MMP1: variants seen among roughly 807,000 people sequenced by gnomAD.
MMP1 encodes matrix metallopeptidase 1, also known as interstitial collagenase.
MMP1 carries 51 observed loss-of-function variants against 49.6 expected under a neutral mutation model. The ratio of observed to expected loss-of-function variants is 1.03; its 90% CI spans 0.82 to 1.30. The LOEUF (loss-of-function observed/expected upper bound fraction) is 1.30. MMP1 is among the 50% of genes most tolerant of loss of function. MMP1 has a pLI of 0.00. For missense variants in MMP1, 623 were observed against 568.7 expected, an observed-to-expected ratio of 1.10 and a Z score of -0.97; for synonymous variants, 230 against 196.8, an observed-to-expected ratio of 1.17 and a Z score of -1.41.
intron 4 of MMP1, 123 bp downstream of exon 4, chr11:102,796,541 T>A: frequency 8.5e-7 from 1 of 1,178,738 alleles, no homozygotes; most frequent in Non-Finnish European, 1.1e-6. Flanking sequence ...TATCACTAAT[T>A]TTCTGAGTGG....
Position 102,797,383 on chromosome 11 carries a change from C to T in MMP1, c.223G>A (p.Val75Met). ...KQMQEFFGLK[V>M]TGKPDAETLK... The stretch of plus-strand genomic sequence containing the variant: ...GTTTCAGCATCTGGTTTCCCAGTCA[C>T]TTTCAGCCCAAAGAATTCCTGCATT... Residue 75 changes from valine (V) to methionine (M), a missense_variant, in exon 2 of 10, where the codon GTG becomes ATG. Transcript: ENST00000315274. The T allele has an allele frequency of 1.9e-6, 3 of 1,614,208 alleles. No individual in the cohort carries two copies. The highest frequency in any genetic ancestry group is 2.5e-6 in the Non-Finnish European group (3 of 1,180,040).
Position 102,797,090 on chromosome 11 carries a change from C to G in MMP1, c.423G>C (p.Trp141Cys). 1 of 1,614,122 alleles carries G rather than the reference C, an allele frequency of 6.2e-7. No homozygotes were observed. Among genetic ancestry groups the G allele is most frequent in the Non-Finnish European group, 8.5e-7 (1 of 1,180,016 alleles). The change falls in exon 3 of 10, where the codon TGG becomes TGC. Residue 141 changes from tryptophan (W) to cysteine (C), a missense_variant. Coordinates refer to ENST00000315274, the MANE Select transcript of MMP1 (RefSeq NM_002421.4). ...DHAIEKAFQL[W>C]SNVTPLTFTK... Reference sequence around the variant, plus strand: ...TGAATGTCAGAGGTGTGACATTACTCCAGAGTTGGAAGGCTTTCTCAATGG... The same window carrying G: ...TGAATGTCAGAGGTGTGACATTACTGCAGAGTTGGAAGGCTTTCTCAATGG...
rs139520205 is a variant in MMP1 at position 102,796,755 on chromosome 11, T to C, written c.534A>G (p.Gly178=). The change falls in exon 4 of 10, where the codon GGA becomes GGG. Residue 178 remains glycine, a synonymous_variant. Coordinates refer to ENST00000315274, the MANE Select transcript of MMP1 (RefSeq NM_002421.4). The stretch of plus-strand genomic sequence containing the variant: ...GTTGAAAAGCATGAGCAAGATTTCC[T>C]CCAGGTCCATCAAAAGGAGAGTTGT... ...HRDNSPFDGP[G]GNLAHAFQPG... 1.6e-4 allele frequency: 254 copies of C among 1,613,730 alleles called. No homozygotes were observed. The highest frequency in any genetic ancestry group is 2.0e-4 in the Non-Finnish European group (241 of 1,179,940).
chr11:102,792,522 G>A (rs571818932), intron 7 of MMP1, 83 bp downstream of exon 7: 1 of 1,350,276 alleles, frequency 7.4e-7, no homozygotes. Flanking sequence ...TGGAGAGAAT[G>A]TAGCTAGTAA....
chr11:102,797,289 T>A lies in MMP1; in HGVS notation c.317A>T (p.Asn106Ile). The change falls in exon 2 of 10, where the codon AAC (asparagine) becomes ATC (isoleucine). Residue 106 changes from asparagine (N) to isoleucine (I), a missense_variant. Asn to Ile is a moderately radical substitution (Grantham distance 149). Coordinates refer to ENST00000315274, the MANE Select transcript of MMP1 (RefSeq NM_002421.4). ...DVAQFVLTEG[N>I]PRWEQTHLTY... ...CAGATGTGTTTGCTCCCAGCGAGGG[T>A]TCCCCTCAGTGAGGACAAACTGAGC... 6.2e-7 allele frequency: 1 copy of A among 1,614,166 alleles called. No individual in the cohort carries two copies.
rs752475174 is a variant in MMP1 at position 102,796,983 on chromosome 11, G to A, written c.499+31C>T. 7.5e-6 allele frequency: 12 copies of A among 1,590,070 alleles called. No homozygotes were observed. In the East Asian group the frequency reaches 1.8e-4, roughly 24 times the overall value. On this transcript the variant is annotated intron_variant, in intron 3 of 9. Coordinates refer to ENST00000315274, the MANE Select transcript of MMP1 (RefSeq NM_002421.4). ...CAAAGCTACGAGATCTAGGGGCAAG[G>A]TGAGGTTAAGGTGCTATAAGAAGAA...
In MMP1 at chr11:102,790,522, C is replaced by A; in HGVS notation, c.1301-1G>T. The A allele has an allele frequency of 6.4e-7, 1 of 1,567,674 alleles. No individual in the cohort carries two copies. ...GTTCCATGAAAGAAATAGAAAAATC[C>A]TAGAAACAAAACAAAAGAGACTTAC... On this transcript the variant is annotated splice_acceptor_variant, in intron 9 of 9. Coordinates refer to ENST00000315274, the MANE Select transcript of MMP1 (RefSeq NM_002421.4). LOFTEE classifies it high-confidence loss of function.
chr11:102,796,478 T>C (rs1384404512), intron 4 of MMP1, among the ~76,000 whole-genome samples, 186 bp downstream of exon 4: 1 of 152,256 alleles, frequency 6.6e-6, no homozygotes, highest in Non-Finnish European at 1.5e-5. Flanking sequence ...TAGTTGTCAC[T>C]GCTAAGATGT....
chr11:102,791,181 T>C lies in MMP1; in HGVS notation c.1196+152A>G. 4.0e-6 allele frequency: 3 copies of C among 746,780 alleles called. No individual in the cohort carries two copies. The East Asian group carries it at 7.7e-5, about 19-fold the overall frequency. The allele number at this position is 746,780 out of a possible 1,614,324, so 46.3% of individuals were successfully genotyped here. A position where few individuals can be genotyped will look rare whatever the true frequency, so the allele number is the denominator to read the frequency against. On this transcript the variant is annotated intron_variant, in intron 8 of 9. Transcript: ENST00000315274. ...GCAGGCATTGTGTGATGATTATTGGTCAATAGACTAAATAGATGATAGATT... is the reference window on the plus strand; with the variant it reads ...GCAGGCATTGTGTGATGATTATTGGCCAATAGACTAAATAGATGATAGATT...
chr11:102,793,309 G>A (rs369036781), intron 6 of MMP1: 1 of 152,112 alleles, frequency 6.6e-6, no homozygotes, highest in African/African-American at 2.4e-5. Context: ...AGTAGAGACA[G>A]GGTTTCACCA....
At chr11:102,791,637 T>C in intron 7 of MMP1, 142 bp from the exon 8 acceptor site, 1 of 848,032 alleles carries the variant, frequency 1.2e-6, no homozygotes, top group South Asian at 1.9e-5. Flanking sequence ...TTTTTGAAAA[T>C]ACTGATGCCA....
At chr11:102,791,744 T>C (rs979845390) in intron 7 of MMP1, among the ~76,000 whole-genome samples, 1 of 152,204 alleles carries the variant, frequency 6.6e-6, no homozygotes, top group Non-Finnish European at 1.5e-5. Context: ...GTTTATGGAG[T>C]TGGGGGCTTC....
In MMP1 at chr11:102,794,042, T is replaced by C. The variant is rs549736953; in HGVS notation, c.899+1132A>G. Among the ~76,000 whole-genome samples the C allele has an allele frequency of 3.1e-4, 47 of 152,348 alleles. No homozygotes were observed. The highest frequency in any genetic ancestry group is 1.1e-3 in the African/African-American group (46 of 41,586). On this transcript the variant is annotated intron_variant, in intron 6 of 9. Transcript: ENST00000315274. This position sits in a 1 kb window ranked among gnomAD's most constrained non-coding sequence, Gnocchi z 4.3. ...CTTTCAATTCTGGCAAATCCTCAAATTGGTCCTGTTCCATCTAGTAATATT... is the reference window on the plus strand; with the variant it reads ...CTTTCAATTCTGGCAAATCCTCAAACTGGTCCTGTTCCATCTAGTAATATT...
intron 6 of MMP1, 51 bp from the exon 7 acceptor site, chr11:102,792,789 TG>T (rs1329451074): frequency 6.4e-7 from 1 of 1,553,316 alleles, no homozygotes; most frequent in Non-Finnish European, 8.9e-7. Context: ...TGGTAATCTC[TG>T]GCAGATATCC....
At chr11:102,791,548 T>TA (rs974352800) in intron 7 of MMP1, 53 bp from the exon 8 acceptor site, 43 of 1,571,564 alleles carry the variant, frequency 2.7e-5, no homozygotes, top group Non-Finnish European at 3.3e-5. Context: ...CAATAGGCAG[T>TA]AAGTGAATTT....
chr11:102,798,031 G>A lies in MMP1; in HGVS notation c.62C>T (p.Pro21Leu). ...TTGCTCTTGTGTTTCTAGAGTCGCTGGGAAGCTGTGAGACACCACACCCCA... is the reference window on the plus strand; with the variant it reads ...TTGCTCTTGTGTTTCTAGAGTCGCTAGGAAGCTGTGAGACACCACACCCCA... ...LFWGVVSHSF[P>L]ATLETQEQDV... Residue 21 changes from proline (P) to leucine (L), a missense_variant, in exon 1 of 10, where the codon CCA (proline) becomes CTA (leucine). Pro to Leu is a moderately conservative substitution (Grantham distance 98, BLOSUM62 -3). Transcript: ENST00000315274. The A allele has an allele frequency of 6.2e-7, 1 of 1,613,624 alleles. No individual in the cohort carries two copies. Among genetic ancestry groups the A allele is most frequent in the Non-Finnish European group, 8.5e-7 (1 of 1,179,926 alleles).
chr11:102,792,394 C>G (rs1858054300), intron 7 of MMP1, among the ~76,000 whole-genome samples: 1 of 152,176 alleles, frequency 6.6e-6, no homozygotes, highest in Non-Finnish European at 1.5e-5. Flanking sequence ...CCAGAACGTT[C>G]TATCTCCAGT....
Position 102,794,074 on chromosome 11 carries a change from G to C in MMP1, c.899+1100C>G, listed in dbSNP as rs140947143. 6.6e-5 allele frequency among the ~76,000 whole-genome samples: 10 copies of C among 152,318 alleles called. No homozygotes were observed. The East Asian group carries it at 1.9e-3, about 29-fold the overall frequency. On this transcript the variant is annotated intron_variant, in intron 6 of 9. Coordinates refer to ENST00000315274, the MANE Select transcript of MMP1 (RefSeq NM_002421.4). The surrounding 1 kb of genome is among the most constrained non-coding windows in gnomAD (Gnocchi z 4.3). The stretch of plus-strand genomic sequence containing the variant: ...TGTTCCATCTAGTAATATTTGGTTT[G>C]ATAGGTGTGTCCTGTTGTACTGAGA...
chr11:102,798,118 G>T lies in MMP1; in HGVS notation c.-26C>A. ...ACTGGCCTTTGTCTTCTTTCTCAGT[G>T]CAAGGTAAGTGATGGCTTCCCAGCC... On this transcript the variant is annotated 5_prime_UTR_variant, in exon 1 of 10. Coordinates refer to ENST00000315274, the MANE Select transcript of MMP1 (RefSeq NM_002421.4). The T allele has an allele frequency of 6.3e-7, 1 of 1,582,340 alleles. No homozygotes were observed. Among genetic ancestry groups the T allele is most frequent in the Non-Finnish European group, 8.6e-7 (1 of 1,164,744 alleles).
Sources: allele counts gnomAD v4.1 joint callset (sites outside exome capture counted in the v4.1 genomes callset), GRCh38; gene constraint gnomAD v4.1.1; non-coding constraint Gnocchi (gnomAD v3.1); transcripts MANE v1.5; gene names NCBI Gene and HGNC (gene_info 2026-07-23, HGNC 2026-07-21).